Variants in EPB41L3 observed in about 807,000 individuals in gnomAD.
EPB41L3 encodes band 4.1-like protein 3.
A neutral mutation model predicts 127.1 loss-of-function variants in EPB41L3; 57 were observed. That is an observed-to-expected ratio of 0.45 (90% CI 0.36 to 0.56). The LOEUF (loss-of-function observed/expected upper bound fraction) is 0.56. Among genes scored for constraint, EPB41L3 ranks in the 20% least tolerant of loss-of-function variants. The pLI is 0.00. For missense variants in EPB41L3, 1,273 were observed against 1,372.2 expected, an observed-to-expected ratio of 0.93 and a Z score of 1.14; for synonymous variants, 572 against 549.5, an observed-to-expected ratio of 1.04 and a Z score of -0.57.
intron 12 of EPB41L3, among the ~76,000 whole-genome samples, chr18:5,417,559 T>C (rs1282000733): frequency 6.6e-6 from 1 of 152,164 alleles, no homozygotes; most frequent in East Asian, 1.9e-4. Flanking sequence ...TATGTGTGTG[T>C]TTTGCCCAGT....
intron 3 of EPB41L3, among the ~76,000 whole-genome samples, chr18:5,458,458 T>C (rs2083448528): frequency 6.6e-6 from 1 of 152,188 alleles, no homozygotes; most frequent in South Asian, 2.1e-4. Context: ...TAAACTGTAT[T>C]AGGCCACTCG....
chr18:5,548,420 T>C (rs1399432242), upstream of EPB41L3, among the ~76,000 whole-genome samples: 1 of 152,168 alleles, frequency 6.6e-6, no homozygotes, highest in Non-Finnish European at 1.5e-5. Flanking sequence ...TAAGTATAAA[T>C]GTAGCACAAA....
intron 16 of EPB41L3, among the ~76,000 whole-genome samples, chr18:5,403,512 T>C (rs1252661108): frequency 6.9e-6 from 1 of 145,590 alleles, no homozygotes; most frequent in Non-Finnish European, 1.5e-5. Flanking sequence ...TACAACAGTA[T>C]AAAGAAAAAA....
At chr18:5,472,978 C>T (rs945733002) in intron 3 of EPB41L3, among the ~76,000 whole-genome samples, 4 of 152,142 alleles carry the variant, frequency 2.6e-5, no homozygotes, top group African/African-American at 9.7e-5. Context: ...TCAAGATGAC[C>T]GTTTCTGTAC....
At position 5,543,043 on chromosome 18, in the gene EPB41L3, G is replaced by C. The variant is rs1465224635; in HGVS notation, c.-12+870C>G. Among the ~76,000 whole-genome samples the C allele has an allele frequency of 6.6e-6, 1 of 151,972 alleles. No individual in the cohort carries two copies. Among genetic ancestry groups the C allele is most frequent in the Non-Finnish European group, 1.5e-5 (1 of 67,954 alleles). The stretch of plus-strand genomic sequence containing the variant: ...GCAGACACCTCCCGAGGAGAATCGC[G>C]GCCCCGAGGGCGCCAGGTGAGTCGC... On this transcript the variant is annotated intron_variant, in intron 1 of 22. Coordinates refer to ENST00000341928, the MANE Select transcript of EPB41L3 (RefSeq NM_012307.5). This position sits in a 1 kb window ranked among gnomAD's most constrained non-coding sequence, Gnocchi z 5.2.
chr18:5,404,798 T>C (rs1253407227), intron 16 of EPB41L3, among the ~76,000 whole-genome samples: 3 of 152,206 alleles, frequency 2.0e-5, no homozygotes, highest in Admixed American at 2.0e-4. Flanking sequence ...TTTGTGTTTT[T>C]GTAACTTAAT....
intron 1 of EPB41L3, among the ~76,000 whole-genome samples, chr18:5,500,444 T>C (rs1273913007): frequency 6.6e-6 from 1 of 152,110 alleles, no homozygotes; most frequent in Non-Finnish European, 1.5e-5. Context: ...GCTCTCCAAC[T>C]CCTTCTGAAA....
chr18:5,535,653 C>G (rs2148983213), intron 1 of EPB41L3, among the ~76,000 whole-genome samples: 1 of 152,298 alleles, frequency 6.6e-6, no homozygotes, highest in Non-Finnish European at 1.5e-5. Flanking sequence ...CATCATCTCA[C>G]AGAAGCCTGG....
chr18:5,508,117 A>G (rs1010171341), intron 1 of EPB41L3: 2 of 152,210 alleles, frequency 1.3e-5, no homozygotes, highest in African/African-American at 4.8e-5. Context: ...GACAATGAAA[A>G]TAAATTTTCT....
At chr18:5,431,813 GT>G (rs1425119524) in intron 8 of EPB41L3, among the ~76,000 whole-genome samples, 1 of 152,042 alleles carries the variant, frequency 6.6e-6, no homozygotes, top group Non-Finnish European at 1.5e-5. Context: ...AAATCTTAAT[GT>G]CTGTTCTTAT....
chr18:5,587,936 A>G (rs1940991), intron 3 of EPB41L3, among the ~76,000 whole-genome samples: 44,687 of 152,044 alleles, frequency 0.29, 6,707 homozygotes, highest in East Asian at 0.41. Context: ...ATCCCTTAAG[A>G]TAATACCTAA....
At position 5,416,331 on chromosome 18, in the gene EPB41L3, G is replaced by A. The variant is rs777678156; in HGVS notation, c.1554C>T (p.Thr518=). ...CTGTGGGAGATGTGGGGGCACAATGGGTGGATGGGGGTGACAAGGGACATG... is the reference window on the plus strand; with the variant it reads ...CTGTGGGAGATGTGGGGGCACAATGAGTGGATGGGGGTGACAAGGGACATG... ...TDSCPLSPPS[T]HCAPTSPTEL... Residue 518 remains threonine (T), a synonymous_variant, in exon 13 of 23, where the codon ACC becomes ACT. Transcript: ENST00000341928. 2.5e-5 allele frequency: 41 copies of A among 1,613,968 alleles called. No homozygotes were observed. The South Asian group carries it at 4.0e-4, about 16-fold the overall frequency.
intron 1 of EPB41L3, among the ~76,000 whole-genome samples, chr18:5,512,689 A>C (rs1475512604): frequency 6.6e-6 from 1 of 152,132 alleles, no homozygotes; most frequent in Non-Finnish European, 1.5e-5. Flanking sequence ...GGGGTTGAAT[A>C]ATTATAATAT....
Position 5,397,121 on chromosome 18 carries a change from T to C in EPB41L3, c.2778A>G (p.Arg926=). 6.2e-7 allele frequency: 1 copy of C among 1,614,166 alleles called. No individual in the cohort carries two copies. The highest frequency in any genetic ancestry group is 1.3e-5 in the African/African-American group (1 of 75,078). The change falls in exon 18 of 23, where the codon CGA becomes CGG. Residue 926 remains arginine (R), a synonymous_variant. Coordinates refer to ENST00000341928, the MANE Select transcript of EPB41L3 (RefSeq NM_012307.5). The surrounding 1 kb of genome is among the most constrained non-coding windows in gnomAD (Gnocchi z 4.1). ...GGATGGCTGCACTCTGCTCCTCTTG[T>C]CGCTCACGGGAAGCAGCGGCTGTCT... ...QEETAAASRE[R]QEEQSAAIHI...
intron 1 of EPB41L3, among the ~76,000 whole-genome samples, chr18:5,519,629 G>A (rs2092905071): frequency 6.6e-6 from 1 of 152,138 alleles, no homozygotes; most frequent in African/African-American, 2.4e-5. Flanking sequence ...ACATGTGGAG[G>A]GATGCCTCTT....
chr18:5,412,649 C>A (rs2076336991), intron 13 of EPB41L3, among the ~76,000 whole-genome samples: 1 of 152,240 alleles, frequency 6.6e-6, no homozygotes, highest in Middle Eastern at 3.4e-3. Flanking sequence ...CAGTAACTTG[C>A]AAGCATTTTA....
At chr18:5,516,324 T>C (rs544392322) in intron 1 of EPB41L3, among the ~76,000 whole-genome samples, 14 of 152,326 alleles carry the variant, frequency 9.2e-5, no homozygotes, top group Admixed American at 2.0e-4. Context: ...ATCTCGATTA[T>C]AGGGATTCTT....
chr18:5,442,911 G>A (rs1366182641), intron 5 of EPB41L3, among the ~76,000 whole-genome samples: 1 of 152,130 alleles, frequency 6.6e-6, no homozygotes, highest in Non-Finnish European at 1.5e-5. Context: ...AAACAAACGT[G>A]ATTATGCTAT....
At chr18:5,472,660 T>C (rs1270864182) in intron 3 of EPB41L3, among the ~76,000 whole-genome samples, 1 of 152,236 alleles carries the variant, frequency 6.6e-6, no homozygotes. Context: ...TTCTACATTA[T>C]GGCAATTCTA....
Sources: allele counts gnomAD v4.1 joint callset (sites outside exome capture counted in the v4.1 genomes callset), GRCh38; gene constraint gnomAD v4.1.1; non-coding constraint Gnocchi (gnomAD v3.1); transcripts MANE v1.5; gene names NCBI Gene and HGNC (gene_info 2026-07-23, HGNC 2026-07-21).